MPPED2: variants seen among roughly 807,000 people sequenced by gnomAD.
The protein encoded by MPPED2 is metallophosphoesterase MPPED2.
A neutral mutation model predicts 33.0 loss-of-function variants in MPPED2; 5 were observed. The observed-to-expected ratio is 0.15, with a 90% CI of 0.08 to 0.32. MPPED2 has a LOEUF of 0.32. Ranked by LOEUF, MPPED2 falls within the 10% of genes least tolerant of loss-of-function variation. MPPED2 has a pLI of 1.00. For missense variants in MPPED2, 275 were observed against 372.1 expected, an observed-to-expected ratio of 0.74 and a Z score of 2.15; for synonymous variants, 136 against 141.9, an observed-to-expected ratio of 0.96 and a Z score of 0.29.
intron 4 of MPPED2, among the ~76,000 whole-genome samples, chr11:30,490,353 TAGG>T (rs1378112057): frequency 1.3e-5 from 2 of 152,072 alleles, no homozygotes; most frequent in Non-Finnish European, 2.9e-5. Context: ...AAAACAACAA[TAGG>T]AGAAGTGAAG....
intron 3 of MPPED2, among the ~76,000 whole-genome samples, chr11:30,531,995 G>C (rs549010159): frequency 2.0e-5 from 3 of 152,358 alleles, no homozygotes; most frequent in African/African-American, 7.2e-5. Context: ...ATGGACGTAA[G>C]TCCAAATCCT....
At chr11:30,424,789 C>T (rs1948758263) in intron 4 of MPPED2, among the ~76,000 whole-genome samples, 1 of 152,186 alleles carries the variant, frequency 6.6e-6, no homozygotes, top group Non-Finnish European at 1.5e-5. Context: ...TCCTCTTCTG[C>T]ACAATTCAAA....
At chr11:30,483,414 C>T (rs1951580401) in intron 4 of MPPED2, among the ~76,000 whole-genome samples, 1 of 152,012 alleles carries the variant, frequency 6.6e-6, no homozygotes, top group African/African-American at 2.4e-5. Flanking sequence ...AATGCAAAAC[C>T]CACAAATGAA....
At chr11:30,542,980 T>C (rs1319121013) in intron 2 of MPPED2, among the ~76,000 whole-genome samples, 1 of 152,212 alleles carries the variant, frequency 6.6e-6, no homozygotes, top group Non-Finnish European at 1.5e-5. Flanking sequence ...CCAAAATTAT[T>C]GGAATTAGTT....
chr11:30,546,886 A>G (rs746712223), intron 2 of MPPED2, among the ~76,000 whole-genome samples: 1 of 152,208 alleles, frequency 6.6e-6, no homozygotes, highest in Non-Finnish European at 1.5e-5. Context: ...GTTTTGTAAC[A>G]ATAAAGAACT....
chr11:30,585,477 G>A (rs1957419785), intron 1 of MPPED2, among the ~76,000 whole-genome samples: 1 of 152,098 alleles, frequency 6.6e-6, no homozygotes, highest in South Asian at 2.1e-4. Flanking sequence ...GGGCCGCCGC[G>A]GGAGCCCGGG....
At position 30,513,977 on chromosome 11, in the gene MPPED2, T is replaced by C. The variant is rs76085300; in HGVS notation, c.311-18456A>G. The stretch of plus-strand genomic sequence containing the variant: ...AAGGGACTCCATTCTAGGAAGACCA[T>C]AGGCTACTTTCCTCAAGGTGCCATG... On this transcript the variant is annotated intron_variant, in intron 3 of 6. Coordinates refer to ENST00000358117, the MANE Select transcript of MPPED2 (RefSeq NM_001584.3). Among the ~76,000 whole-genome samples the C allele has an allele frequency of 2.0e-3, 305 of 152,302 alleles. 2 individuals carry two copies. Among genetic ancestry groups the C allele is most frequent in the African/African-American group, 7.0e-3 (292 of 41,560 alleles).
intron 4 of MPPED2, among the ~76,000 whole-genome samples, chr11:30,422,020 A>G (rs193222700): frequency 4.6e-5 from 7 of 152,350 alleles, no homozygotes; most frequent in Admixed American, 2.0e-4. Context: ...TGGGGCATAC[A>G]GAAGTGGGGA....
At chr11:30,512,945 C>A (rs572365811) in intron 3 of MPPED2, among the ~76,000 whole-genome samples, 1 of 152,050 alleles carries the variant, frequency 6.6e-6, no homozygotes, top group East Asian at 1.9e-4. Context: ...GTTGCGCTGA[C>A]CCAAGATCAC....
At chr11:30,529,393 G>C (rs1344301133) in intron 3 of MPPED2, among the ~76,000 whole-genome samples, 1 of 152,140 alleles carries the variant, frequency 6.6e-6, no homozygotes, top group African/African-American at 2.4e-5. Flanking sequence ...TACAATGAAA[G>C]TATTCTTCTT....
intron 4 of MPPED2, among the ~76,000 whole-genome samples, chr11:30,470,260 C>T (rs776160628): frequency 6.6e-6 from 1 of 152,108 alleles, no homozygotes; most frequent in African/African-American, 2.4e-5. Context: ...CCAGTATGGT[C>T]AGTCAAGCAA....
At chr11:30,551,415 T>C (rs879525507) in intron 2 of MPPED2, among the ~76,000 whole-genome samples, 4 of 152,186 alleles carry the variant, frequency 2.6e-5, no homozygotes, top group Non-Finnish European at 4.4e-5. Context: ...AGCTTACCTA[T>C]AGTCCCTCCC....
chr11:30,530,720 C>T (rs969717756), intron 3 of MPPED2, among the ~76,000 whole-genome samples: 1 of 152,158 alleles, frequency 6.6e-6, no homozygotes, highest in Non-Finnish European at 1.5e-5. Flanking sequence ...CTTCTAATGC[C>T]TATTTGTGTA....
At chr11:30,580,108 GA>G in intron 2 of MPPED2, 137 bp downstream of exon 2, 2 of 852,406 alleles carry the variant, frequency 2.3e-6, no homozygotes, top group Non-Finnish European at 3.6e-6. Context: ...AGCTGTATTT[GA>G]AACCACAGAT....
At chr11:30,584,357 C>G (rs1012560215) in intron 1 of MPPED2, 6 of 151,580 alleles carry the variant, frequency 4.0e-5, no homozygotes, top group Non-Finnish European at 8.8e-5. Context: ...CACACACACA[C>G]ACACACACAC....
intron 4 of MPPED2, among the ~76,000 whole-genome samples, chr11:30,424,273 T>G (rs1041842321): frequency 1.3e-5 from 2 of 152,170 alleles, no homozygotes; most frequent in Admixed American, 1.3e-4. Flanking sequence ...AGCTACTAAT[T>G]AATGCCATCA....
At chr11:30,535,760 C>G (rs759512908) in intron 3 of MPPED2, among the ~76,000 whole-genome samples, 20 of 152,182 alleles carry the variant, frequency 1.3e-4, no homozygotes, top group Non-Finnish European at 2.1e-4. Context: ...TCAAAGCTTT[C>G]CATCCCTTTG....
chr11:30,433,850 T>C (rs147089125), intron 4 of MPPED2, among the ~76,000 whole-genome samples: 16 of 152,346 alleles, frequency 1.1e-4, no homozygotes, highest in Middle Eastern at 3.4e-3. Flanking sequence ...TATTATCTTA[T>C]AGTTCTGAAA....
chr11:30,498,643 G>A (rs1952413018), intron 3 of MPPED2, among the ~76,000 whole-genome samples: 1 of 151,946 alleles, frequency 6.6e-6, no homozygotes, highest in African/African-American at 2.4e-5. Context: ...ATTATTTTAG[G>A]TGAAATGGAA....
Sources: allele counts gnomAD v4.1 joint callset (sites outside exome capture counted in the v4.1 genomes callset), GRCh38; gene constraint gnomAD v4.1.1; transcripts MANE v1.5; gene names NCBI Gene and HGNC (gene_info 2026-07-23, HGNC 2026-07-21).